Variants in KCTD8 observed in about 807,000 individuals in gnomAD.
KCTD8 encodes potassium channel tetramerization domain containing 8, also known as BTB/POZ domain-containing protein KCTD8.
In KCTD8, 27 loss-of-function variants were observed where a neutral mutation model predicts 31.5. That is an observed-to-expected ratio of 0.86 (90% confidence interval 0.63 to 1.18). KCTD8 has a LOEUF of 1.18. Among genes scored for constraint, KCTD8 ranks in the 50% most tolerant of loss-of-function variants. The pLI is 0.00. For missense variants in KCTD8, 658 were observed against 647.7 expected, an observed-to-expected ratio of 1.02 and a Z score of -0.17; for synonymous variants, 290 against 280.0, an observed-to-expected ratio of 1.04 and a Z score of -0.36.
chr4:44,202,159 G>A (rs1186244880), intron 1 of KCTD8, among the ~76,000 whole-genome samples: 1 of 152,152 alleles, frequency 6.6e-6, no homozygotes, highest in East Asian at 1.9e-4. Flanking sequence ...ATGAGGCTGT[G>A]GAGAAAAAGG....
rs767700508 is a variant in KCTD8, at chr4:44,448,337, G to A, written c.187C>T (p.Leu63Phe). 3 of 1,596,306 alleles carry A rather than the reference G, an allele frequency of 1.9e-6. No individual in the cohort carries two copies. The highest frequency in any genetic ancestry group is 2.6e-6 in the Non-Finnish European group (3 of 1,172,038). The part of the protein sequence containing the change: ...QVYVTKHSTL[L>F]SVPDSTLASM... ...GCCAAAGTACTGTCCGGGACGCTGA[G>A]CAGCGTCGAGTGCTTGGTCACATAA... is the stretch of plus-strand genomic sequence containing the variant. The change falls in exon 1 of 2, where the codon CTC becomes TTC. Residue 63 changes from leucine to phenylalanine, a missense_variant. By Grantham distance (22) the Leu-to-Phe change is conservative. Coordinates refer to ENST00000360029, the MANE Select transcript of KCTD8 (RefSeq NM_198353.3). The surrounding 1 kb of genome is among the most constrained non-coding windows in gnomAD (Gnocchi z 4.1).
At chr4:44,260,897 G>A (rs191955439) in intron 1 of KCTD8, among the ~76,000 whole-genome samples, 1 of 151,956 alleles carries the variant, frequency 6.6e-6, no homozygotes, top group Non-Finnish European at 1.5e-5. Flanking sequence ...GTTGCTGTGT[G>A]ATAAACAGAC....
chr4:44,315,332 C>G (rs1320941027), intron 1 of KCTD8, among the ~76,000 whole-genome samples: 2 of 151,994 alleles, frequency 1.3e-5, no homozygotes, highest in Non-Finnish European at 2.9e-5. Flanking sequence ...CTTTTACATT[C>G]TCTTCTGTAA....
intron 1 of KCTD8, among the ~76,000 whole-genome samples, chr4:44,213,826 T>G (rs1290800200): frequency 1.3e-5 from 2 of 152,162 alleles, no homozygotes; most frequent in South Asian, 2.1e-4. Context: ...TATGCCTCCT[T>G]AAAGTGTGGC....
chr4:44,214,797 C>T (rs1714601586), intron 1 of KCTD8, among the ~76,000 whole-genome samples: 1 of 152,162 alleles, frequency 6.6e-6, no homozygotes, highest in Non-Finnish European at 1.5e-5. Context: ...GAAGACAAGA[C>T]TGCCTTTTCA....
At chr4:44,175,867 T>A (rs1352205849) in intron 1 of KCTD8, among the ~76,000 whole-genome samples, 1 of 152,226 alleles carries the variant, frequency 6.6e-6, no homozygotes, top group Admixed American at 6.5e-5. Flanking sequence ...CTATAAGATA[T>A]ATAGGGGCCT....
chr4:44,292,018 A>G lies in KCTD8; in HGVS notation c.962-116768T>C, dbSNP rs568042329. 2.0e-5 allele frequency among the ~76,000 whole-genome samples: 3 copies of G among 151,664 alleles called. No homozygotes were observed. In the South Asian group the frequency reaches 6.3e-4, roughly 32 times the overall value. On this transcript the variant is annotated intron_variant, in intron 1 of 1. Coordinates refer to ENST00000360029, the MANE Select transcript of KCTD8 (RefSeq NM_198353.3). ...GTAAGGCTGTGGAGAAAGAACACTT[A>G]TACACTCTTGGTGGGAATATAAGTT...
chr4:44,360,029 G>C (rs1303739605), intron 1 of KCTD8, among the ~76,000 whole-genome samples: 1 of 151,980 alleles, frequency 6.6e-6, no homozygotes, highest in Non-Finnish European at 1.5e-5. Context: ...CTCAGGGGTA[G>C]ACTACTTTCC....
chr4:44,386,591 CA>C (rs1720229123), intron 1 of KCTD8, among the ~76,000 whole-genome samples: 2 of 151,324 alleles, frequency 1.3e-5, no homozygotes, highest in Admixed American at 6.6e-5. Flanking sequence ...AAAAGACAGG[CA>C]ATAACAAATG....
chr4:44,247,199 C>T (rs2109359684), intron 1 of KCTD8, among the ~76,000 whole-genome samples: 1 of 152,054 alleles, frequency 6.6e-6, no homozygotes, highest in East Asian at 1.9e-4. Flanking sequence ...CTAGCACCTC[C>T]CTAAATCTGC....
chr4:44,258,991 G>A (rs1443895488), intron 1 of KCTD8, among the ~76,000 whole-genome samples: 1 of 151,830 alleles, frequency 6.6e-6, no homozygotes, highest in Non-Finnish European at 1.5e-5. Flanking sequence ...AATGTTAACT[G>A]TTATTATACC....
At position 44,258,485 on chromosome 4, in the gene KCTD8, G is replaced by A. The variant is rs968661536; in HGVS notation, c.962-83235C>T. Reference sequence around the variant, plus strand: ...GAGGTAAAGAACAGAAATGAACTATGTTTCATCTTTCTACATCCCACCTGA... The same window carrying A: ...GAGGTAAAGAACAGAAATGAACTATATTTCATCTTTCTACATCCCACCTGA... On this transcript the variant is annotated intron_variant, in intron 1 of 1. Coordinates refer to ENST00000360029, the MANE Select transcript of KCTD8 (RefSeq NM_198353.3). Among the ~76,000 whole-genome samples the A allele has an allele frequency of 2.5e-4, 38 of 151,894 alleles. No homozygotes were observed. In the East Asian group the frequency reaches 5.6e-3, roughly 22 times the overall value.
chr4:44,264,820 C>T (rs534224677), intron 1 of KCTD8, among the ~76,000 whole-genome samples: 1 of 152,298 alleles, frequency 6.6e-6, no homozygotes, highest in African/African-American at 2.4e-5. Flanking sequence ...AACTGCAAGG[C>T]AGCAGCGAGG....
At chr4:44,319,880 T>C (rs1718242051) in intron 1 of KCTD8, among the ~76,000 whole-genome samples, 1 of 151,952 alleles carries the variant, frequency 6.6e-6, no homozygotes, top group Admixed American at 6.6e-5. Flanking sequence ...ATTATAGAAC[T>C]GAGATTCTAG....
intron 1 of KCTD8, among the ~76,000 whole-genome samples, chr4:44,390,822 G>C (rs1720352637): frequency 6.6e-6 from 1 of 151,904 alleles, no homozygotes; most frequent in Non-Finnish European, 1.5e-5. Flanking sequence ...AAAGGGAACA[G>C]TTTTACACTG....
intron 1 of KCTD8, among the ~76,000 whole-genome samples, chr4:44,277,965 C>G (rs1185753967): frequency 6.6e-6 from 1 of 151,932 alleles, no homozygotes; most frequent in South Asian, 2.1e-4. Flanking sequence ...CAGAAAGTTA[C>G]AAGGATTGTA....
At chr4:44,302,718 T>G (rs377688470) in intron 1 of KCTD8, among the ~76,000 whole-genome samples, 2 of 151,374 alleles carry the variant, frequency 1.3e-5, no homozygotes, top group Non-Finnish European at 2.9e-5. Context: ...ATTTCCTTCT[T>G]CTGCCTAATT....
At chr4:44,278,849 G>A (rs1716821181) in intron 1 of KCTD8, among the ~76,000 whole-genome samples, 1 of 151,932 alleles carries the variant, frequency 6.6e-6, no homozygotes, top group African/African-American at 2.4e-5. Context: ...GACTCCACTG[G>A]CAACAAAAAC....
chr4:44,273,165 T>A (rs1257086154), intron 1 of KCTD8, among the ~76,000 whole-genome samples: 1 of 151,912 alleles, frequency 6.6e-6, no homozygotes, highest in Non-Finnish European at 1.5e-5. Context: ...GTAAAAAAAA[T>A]CAAACATTGA....
Sources: allele counts gnomAD v4.1 joint callset (sites outside exome capture counted in the v4.1 genomes callset), GRCh38; gene constraint gnomAD v4.1.1; non-coding constraint Gnocchi (gnomAD v3.1); transcripts MANE v1.5; gene names NCBI Gene and HGNC (gene_info 2026-07-23, HGNC 2026-07-21).